RANBP2: variants seen among roughly 807,000 people sequenced by gnomAD.
The protein encoded by RANBP2 is RAN binding protein 2, also known as E3 SUMO-protein ligase RanBP2.
Under a neutral mutation model 303.6 loss-of-function variants are expected in RANBP2, and 57 were observed. That is an observed-to-expected ratio of 0.19 (90% confidence interval 0.15 to 0.23). RANBP2 has a LOEUF of 0.23. Among genes scored for constraint, RANBP2 ranks in the 10% least tolerant of loss-of-function variants. The pLI is 1.00. For missense variants in RANBP2, 3,138 were observed against 3,780.8 expected, an observed-to-expected ratio of 0.83 and a Z score of 4.46; for synonymous variants, 1,167 against 1,301.5, an observed-to-expected ratio of 0.90 and a Z score of 2.23.
At chr2:108,798,816 TAC>T in the RANBP2 span, among the ~76,000 whole-genome samples, 1,286 of 131,566 alleles carry the variant, frequency 9.8e-3, 7 homozygotes, top group African/African-American at 0.016. Flanking sequence ...TCTCCACACC[TAC>T]ACACACACAC....
chr2:109,449,585 C>T, the RANBP2 span: 1 of 1,441,276 alleles, frequency 6.9e-7, no homozygotes, highest in African/African-American at 1.4e-5. Context: ...GCAATTGAAG[C>T]TAGAATGTGG....
chr2:108,845,066 A>G, the RANBP2 span, among the ~76,000 whole-genome samples: 2 of 151,372 alleles, frequency 1.3e-5, no homozygotes, highest in African/African-American at 4.9e-5. Flanking sequence ...TTTCAAGTTT[A>G]TTTTTTCATT....
the RANBP2 span, among the ~76,000 whole-genome samples, chr2:109,245,814 T>A: frequency 9.2e-5 from 14 of 152,344 alleles, no homozygotes; most frequent in African/African-American, 3.4e-4. Context: ...GACCCTCAGA[T>A]CTTTATGGAG....
the RANBP2 span, among the ~76,000 whole-genome samples, chr2:108,843,882 C>CT: frequency 3.0e-4 from 14 of 46,290 alleles, 2 homozygotes; most frequent in South Asian, 8.5e-4. Flanking sequence ...GTGTGTGTTT[C>CT]TTTCTTTTTT....
At chr2:109,586,506 G>A in the RANBP2 span, among the ~76,000 whole-genome samples, 1 of 152,312 alleles carries the variant, frequency 6.6e-6, no homozygotes, top group East Asian at 1.9e-4. Context: ...TTGGAGATTG[G>A]GGCAGGCAGA....
the RANBP2 span, among the ~76,000 whole-genome samples, chr2:109,337,124 T>C: frequency 6.6e-6 from 1 of 152,252 alleles, no homozygotes; most frequent in Non-Finnish European, 1.5e-5. Context: ...TTTTGTGTTA[T>C]GTATCTTAAA....
At chr2:109,214,117 T>C in the RANBP2 span, among the ~76,000 whole-genome samples, 1 of 152,122 alleles carries the variant, frequency 6.6e-6, no homozygotes, top group African/African-American at 2.4e-5. Flanking sequence ...TTGTCTTGGG[T>C]GTGCCGGGTG....
At chr2:109,013,967 C>G in the RANBP2 span, among the ~76,000 whole-genome samples, 1 of 152,174 alleles carries the variant, frequency 6.6e-6, no homozygotes. Flanking sequence ...AGTTATTTTG[C>G]TCCTCATTCT....
chr2:108,786,140 AG>A (rs1678655457), downstream of RANBP2, among the ~76,000 whole-genome samples: 2 of 151,476 alleles, frequency 1.3e-5, no homozygotes, highest in Admixed American at 1.3e-4. Flanking sequence ...AAAAAAAAAA[AG>A]TTTTTTTTCC....
the RANBP2 span, among the ~76,000 whole-genome samples, chr2:109,416,608 C>T: frequency 1.2e-3 from 177 of 151,968 alleles, 1 homozygote; most frequent in African/African-American, 3.9e-3. Flanking sequence ...TGGTCTCAAA[C>T]TCCTGACCAC....
At chr2:109,488,883 G>A in the RANBP2 span, among the ~76,000 whole-genome samples, 3 of 152,322 alleles carry the variant, frequency 2.0e-5, no homozygotes, top group Admixed American at 1.3e-4. Context: ...AGATAGGCCG[G>A]GAGGCTGCAA....
chr2:108,752,617 C>CAAAAGAAAA (rs1675980127), intron 12 of RANBP2, among the ~76,000 whole-genome samples: 1 of 40,672 alleles, frequency 2.5e-5, no homozygotes, highest in Non-Finnish European at 4.5e-5. Context: ...ACTAAAAATA[C>CAAAAGAAAA]AAAAAAAAAA....
chr2:108,890,977 C>A, the RANBP2 span, among the ~76,000 whole-genome samples: 1 of 151,926 alleles, frequency 6.6e-6, no homozygotes, highest in African/African-American at 2.4e-5. Context: ...TTATATATTT[C>A]CTTCAATGAA....
At chr2:109,272,579 G>T in the RANBP2 span, among the ~76,000 whole-genome samples, 3 of 152,218 alleles carry the variant, frequency 2.0e-5, no homozygotes, top group Non-Finnish European at 1.5e-5. Context: ...GGCTCAGAGC[G>T]CTCGTTCCTT....
At chr2:109,241,338 G>T in the RANBP2 span, among the ~76,000 whole-genome samples, 1 of 152,050 alleles carries the variant, frequency 6.6e-6, no homozygotes, top group Non-Finnish European at 1.5e-5. Flanking sequence ...CATTTGAAGT[G>T]GAAAAAAAGT....
chr2:109,580,579 C>T, the RANBP2 span, among the ~76,000 whole-genome samples: 1 of 152,116 alleles, frequency 6.6e-6, no homozygotes, highest in East Asian at 1.9e-4. Flanking sequence ...ACTGACTATC[C>T]TACAAAATAC....
chr2:109,300,341 G>A, the RANBP2 span, among the ~76,000 whole-genome samples: 1 of 152,104 alleles, frequency 6.6e-6, no homozygotes, highest in African/African-American at 2.4e-5. Flanking sequence ...CACCATGTCT[G>A]GCTAATTTTT....
At position 108,751,509 on chromosome 2, in the gene RANBP2, T is replaced by G; in HGVS notation, c.1456-19T>G. 2 of 1,611,676 alleles carry G rather than the reference T, an allele frequency of 1.2e-6. No homozygotes were observed. The highest frequency in any genetic ancestry group is 1.7e-6 in the Non-Finnish European group (2 of 1,179,782). On this transcript the variant is annotated intron_variant, in intron 10 of 28. Transcript: ENST00000283195. ...TGTTTAATTTTTTTTCTAACTTAAC[T>G]TTTCCTTAAATAAAACAGGTATTTC...
rs1676933153 is a variant in RANBP2, at chr2:108,763,961, T to C, written c.3422T>C (p.Val1141Ala). Reference protein sequence around the residue: ...MFTFHGPGKSVFGTPTLETAN... With the variant: ...MFTFHGPGKSAFGTPTLETAN... Reference sequence around the variant, plus strand: ...ACTTTCCATGGTCCAGGGAAATCAGTATTTGGAACACCCACTTTAGAGACA... The same window carrying C: ...ACTTTCCATGGTCCAGGGAAATCAGCATTTGGAACACCCACTTTAGAGACA... The change falls in exon 20 of 29, where the codon GTA becomes GCA. Residue 1141 changes from valine (V) to alanine (A), a missense_variant. By Grantham distance (64) the Val-to-Ala change is moderately conservative (BLOSUM62 0). Transcript: ENST00000283195. 1 of 1,613,826 alleles carries C rather than the reference T, an allele frequency of 6.2e-7. No individual in the cohort carries two copies. Among genetic ancestry groups the C allele is most frequent in the Non-Finnish European group, 8.5e-7 (1 of 1,179,990 alleles).
Sources: gnomAD v4.1 joint callset for allele counts (sites outside exome capture counted in the v4.1 genomes callset) on GRCh38, gnomAD v4.1.1 for gene constraint, MANE v1.5 for transcripts, NCBI Gene and HGNC (gene_info 2026-07-23, HGNC 2026-07-21) for gene names.